Variants in CDYL observed in about 807,000 individuals in gnomAD.
CDYL encodes the protein chromodomain Y-like protein.
A neutral mutation model predicts 47.3 loss-of-function variants in CDYL; 8 were observed. The observed-to-expected ratio is 0.17, with a 90% confidence interval of 0.10 to 0.31. The LOEUF is 0.31. Among genes scored for constraint, CDYL ranks in the 10% least tolerant of loss-of-function variants. The pLI is 1.00. For synonymous variants in CDYL, 266 were observed against 265.0 expected, an observed-to-expected ratio of 1.00 and a Z score of -0.04; for missense variants, 471 against 701.4, an observed-to-expected ratio of 0.67 and a Z score of 3.71.
chr6:4,750,080 T>C (rs1757964269), intron 3 of CDYL, among the ~76,000 whole-genome samples: 1 of 152,146 alleles, frequency 6.6e-6, no homozygotes, highest in South Asian at 2.1e-4. Context: ...GGCTCACCCC[T>C]GTAATCTCAG....
intron 1 of CDYL, among the ~76,000 whole-genome samples, chr6:4,831,371 C>T (rs1760138574): frequency 3.9e-5 from 6 of 152,248 alleles, no homozygotes; most frequent in Admixed American, 1.3e-4. Flanking sequence ...TCAGGTTTGT[C>T]AAAGATCAGA....
rs11969290 is a variant in CDYL at position 4,949,635 on chromosome 6, G to C, written c.1333-2631G>C. 5.8e-3 allele frequency among the ~76,000 whole-genome samples: 880 copies of C among 152,352 alleles called. 8 individuals are homozygous for C. Among genetic ancestry groups the C allele is most frequent in the African/African-American group, 0.017 (688 of 41,580 alleles). ...GTGCACTCAGCCATCTCAGAGCAAC[G>C]TGCTAGCTGGTCAGGTTCCCACCGC... On this transcript the variant is annotated intron_variant, in intron 5 of 6. Transcript: ENST00000397588.
At position 4,953,969 on chromosome 6, in the gene CDYL, G is replaced by T; in HGVS notation, c.1548G>T (p.Glu516Asp). The change falls in exon 7 of 7, where the codon GAG becomes GAT. Residue 516 changes from glutamate to aspartate, a missense_variant. Glu to Asp is a conservative substitution (Grantham distance 45). Coordinates refer to ENST00000397588, the MANE Select transcript of CDYL (RefSeq NM_004824.4). ...KMELEQANER[E>D]CEVLKKIWGS... ...AGCTGGAGCAGGCCAACGAGAGGGAGTGTGAGGTGCTGAAGAAAATCTGGG... is the reference window on the plus strand; with the variant it reads ...AGCTGGAGCAGGCCAACGAGAGGGATTGTGAGGTGCTGAAGAAAATCTGGG... The T allele has an allele frequency of 6.2e-7, 1 of 1,614,232 alleles. No individual in the cohort carries two copies. Among genetic ancestry groups the T allele is most frequent in the Non-Finnish European group, 8.5e-7 (1 of 1,180,042 alleles).
rs182594461 is a variant in CDYL, at chr6:4,840,084, A to G, written c.25-51629A>G. On this transcript the variant is annotated intron_variant, in intron 1 of 6. Transcript: ENST00000397588. Reference sequence around the variant, plus strand: ...GTGTTTCCATTTGATTGTGTCATCTATGATTTCTTTCAGCAGTGTTTTGTA... The same window carrying G: ...GTGTTTCCATTTGATTGTGTCATCTGTGATTTCTTTCAGCAGTGTTTTGTA... Among the ~76,000 whole-genome samples the G allele has an allele frequency of 3.7e-4, 57 of 152,096 alleles. 2 individuals carry two copies. Among genetic ancestry groups the G allele is most frequent in the African/African-American group, 1.3e-3 (54 of 41,508 alleles).
upstream of CDYL, among the ~76,000 whole-genome samples, chr6:4,776,223 C>T (rs964684400): frequency 2.1e-5 from 3 of 143,336 alleles, no homozygotes; most frequent in South Asian, 6.4e-4. Flanking sequence ...CGGCTCGCTC[C>T]CGGCCCCGCC....
chr6:4,714,942 A>G (rs762923275), intron 1 of CDYL: 1 of 152,192 alleles, frequency 6.6e-6, no homozygotes, highest in African/African-American at 2.4e-5. Context: ...TTTTAAATTT[A>G]TATGTGACTT....
intron 1 of CDYL, among the ~76,000 whole-genome samples, chr6:4,779,379 TAGG>T (rs958371552): frequency 1.3e-5 from 2 of 151,582 alleles, no homozygotes; most frequent in African/African-American, 4.8e-5. Flanking sequence ...CATGGTCTGG[TAGG>T]AGGACAGGTC....
chr6:4,715,695 T>TC (rs1216058377), intron 1 of CDYL: 17 of 1,543,766 alleles, frequency 1.1e-5, no homozygotes, highest in Non-Finnish European at 1.3e-5. Flanking sequence ...TTGGGTTTTT[T>TC]CCCATGTACT....
At chr6:4,948,770 C>G (rs1758608107) in intron 5 of CDYL, among the ~76,000 whole-genome samples, 1 of 152,206 alleles carries the variant, frequency 6.6e-6, no homozygotes, top group Non-Finnish European at 1.5e-5. Context: ...GAGCGAAGAG[C>G]CTGCATTTCA....
intron 1 of CDYL, among the ~76,000 whole-genome samples, chr6:4,839,529 C>A (rs1760425753): frequency 6.6e-6 from 1 of 152,116 alleles, no homozygotes; most frequent in Non-Finnish European, 1.5e-5. Context: ...CTGATGTTAT[C>A]TTCTAGAATT....
At chr6:4,842,689 A>G (rs1404743688) in intron 1 of CDYL, among the ~76,000 whole-genome samples, 4 of 152,104 alleles carry the variant, frequency 2.6e-5, no homozygotes, top group Admixed American at 2.6e-4. Context: ...TTCACAACAG[A>G]TACTAGGTGA....
At chr6:4,836,331 A>G (rs1413057576) in intron 1 of CDYL, 6 of 873,064 alleles carry the variant, frequency 6.9e-6, no homozygotes, top group Non-Finnish European at 8.2e-6. Flanking sequence ...TATTTATTTT[A>G]TACGTGTGCT....
At chr6:4,797,303 A>G (rs1336847410) in intron 1 of CDYL, among the ~76,000 whole-genome samples, 2 of 152,164 alleles carry the variant, frequency 1.3e-5, no homozygotes, top group East Asian at 3.8e-4. Flanking sequence ...AATACTTCTA[A>G]AAATCACAGG....
intron 1 of CDYL, among the ~76,000 whole-genome samples, chr6:4,785,147 T>C (rs1276456599): frequency 1.3e-5 from 2 of 152,234 alleles, no homozygotes; most frequent in Non-Finnish European, 2.9e-5. Context: ...TACAGGTCTG[T>C]AGCCTGGAAG....
Position 4,906,602 on chromosome 6 carries a change from T to C in CDYL, c.691+14223T>C, listed in dbSNP as rs190756084. On this transcript the variant is annotated intron_variant, in intron 2 of 6. Coordinates refer to ENST00000397588, the MANE Select transcript of CDYL (RefSeq NM_004824.4). ...GATTTCCGTGATTTGAACCACTCTT[T>C]TATTATGGACTTCAAAGGGAAAGTA... Among the ~76,000 whole-genome samples, 16 of 152,340 alleles carry C rather than the reference T, an allele frequency of 1.1e-4. No homozygotes were observed. In the South Asian group the frequency reaches 1.9e-3, roughly 18 times the overall value.
intron 1 of CDYL, among the ~76,000 whole-genome samples, chr6:4,819,288 AT>A (rs1759767305): frequency 6.6e-6 from 1 of 152,012 alleles, no homozygotes; most frequent in Non-Finnish European, 1.5e-5. Flanking sequence ...GTATGTTGAA[AT>A]TTGGGGATAC....
intron 3 of CDYL, among the ~76,000 whole-genome samples, chr6:4,750,093 C>T (rs1757964387): frequency 6.6e-6 from 1 of 152,146 alleles, no homozygotes. Context: ...AATCTCAGCA[C>T]TTTGGGAGGC....
intron 2 of CDYL, among the ~76,000 whole-genome samples, chr6:4,896,769 CTAAT>C (rs1762295569): frequency 1.3e-5 from 2 of 152,122 alleles, no homozygotes; most frequent in Admixed American, 6.5e-5. Flanking sequence ...TTTTCTAAAA[CTAAT>C]TGAAGTAGAT....
At chr6:4,780,143 G>A (rs936695700) in intron 1 of CDYL, among the ~76,000 whole-genome samples, 1 of 152,060 alleles carries the variant, frequency 6.6e-6, no homozygotes, top group African/African-American at 2.4e-5. Context: ...AAGTTAGACG[G>A]TATTTCTAAC....
Sources: gnomAD v4.1 joint callset for allele counts (sites outside exome capture counted in the v4.1 genomes callset) on GRCh38, gnomAD v4.1.1 for gene constraint, MANE v1.5 for transcripts, NCBI Gene and HGNC (gene_info 2026-07-23, HGNC 2026-07-21) for gene names.